DNAAF9: variants seen among roughly 807,000 people sequenced by gnomAD.
The protein encoded by DNAAF9 is dynein axonemal assembly factor 9.
A neutral mutation model predicts 167.0 loss-of-function variants in DNAAF9; 90 were observed. That is an observed-to-expected ratio of 0.54 (90% confidence interval 0.45 to 0.64). DNAAF9 has a LOEUF of 0.64. DNAAF9 is among the 30% of genes least tolerant of loss of function. DNAAF9 has a pLI of 0.00. For synonymous variants in DNAAF9, 491 were observed against 508.8 expected (o/e 0.96, Z 0.47); for missense variants, 1,315 against 1,442.2 (o/e 0.91, Z 1.43).
chr20:3,269,332 C>T (rs1315692946), intron 30 of DNAAF9, among the ~76,000 whole-genome samples: 1 of 151,938 alleles, frequency 6.6e-6, no homozygotes, highest in East Asian at 1.9e-4. Flanking sequence ...GCCCAGCCTC[C>T]TGAGTAGCTG....
intron 6 of DNAAF9, chr20:3,361,797 T>C (rs1049302394): frequency 1.6e-6 from 2 of 1,268,326 alleles, no homozygotes; most frequent in Non-Finnish European, 2.2e-6. Context: ...AAGACATATC[T>C]AGAAAATTTA....
chr20:3,359,406 G>T (rs1398569446), intron 7 of DNAAF9, 110 bp downstream of exon 7: 2 of 758,226 alleles, frequency 2.6e-6, no homozygotes, highest in South Asian at 3.4e-5. Context: ...TCTATTTTTT[G>T]ACCGAAGCAA....
intron 22 of DNAAF9, 29 bp downstream of exon 22, chr20:3,298,000 T>C (rs781522425): frequency 8.2e-6 from 13 of 1,578,642 alleles, no homozygotes; most frequent in Non-Finnish European, 1.1e-5. Flanking sequence ...AAAGTAGTAG[T>C]AGTTTTGCTG....
At chr20:3,260,628 A>G (rs1355275786) in intron 31 of DNAAF9, among the ~76,000 whole-genome samples, 1 of 151,130 alleles carries the variant, frequency 6.6e-6, no homozygotes, top group African/African-American at 2.4e-5. Context: ...ATGCCCTCCC[A>G]TTTCTCTCTC....
At chr20:3,252,764 G>A (rs2068215302) in intron 36 of DNAAF9, 80 bp from the exon 37 acceptor site, 3 of 827,948 alleles carry the variant, frequency 3.6e-6, no homozygotes, top group Admixed American at 1.8e-5. Flanking sequence ...CTGTAGGCAG[G>A]TGAGGGGGGT....
chr20:3,260,661 CCTCT>C (rs1284076779), intron 31 of DNAAF9, among the ~76,000 whole-genome samples: 1 of 152,020 alleles, frequency 6.6e-6, no homozygotes, highest in African/African-American at 2.4e-5. Context: ...ACAAGGTCTC[CCTCT>C]GTTTCCCAGG....
At chr20:3,402,215 T>C (rs763087145) in intron 1 of DNAAF9, among the ~76,000 whole-genome samples, 11 of 152,196 alleles carry the variant, frequency 7.2e-5, no homozygotes, top group Non-Finnish European at 1.2e-4. Flanking sequence ...ATTGTCTTCA[T>C]GGTGCTAGAA....
intron 31 of DNAAF9, among the ~76,000 whole-genome samples, chr20:3,261,540 G>T (rs1281761080): frequency 1.3e-5 from 2 of 150,904 alleles, no homozygotes; most frequent in East Asian, 3.9e-4. Context: ...GCTAATTTTT[G>T]TATTTTTAAT....
intron 25 of DNAAF9, among the ~76,000 whole-genome samples, chr20:3,290,556 C>T (rs76259596): frequency 0.041 from 6,297 of 152,272 alleles, 192 homozygotes; most frequent in African/African-American, 0.084. Flanking sequence ...AAAGGACCTA[C>T]CTGCTTGAGA....
At chr20:3,275,538 A>T (rs1470211674) in intron 29 of DNAAF9, among the ~76,000 whole-genome samples, 3 of 152,328 alleles carry the variant, frequency 2.0e-5, no homozygotes, top group East Asian at 1.9e-4. Flanking sequence ...TAGGTCAGGA[A>T]CTGGGCACAG....
chr20:3,387,475 T>C (rs1423796890), intron 1 of DNAAF9, among the ~76,000 whole-genome samples: 2 of 152,084 alleles, frequency 1.3e-5, no homozygotes, highest in Non-Finnish European at 1.5e-5. Context: ...CCGTACACCA[T>C]ATAAAGAAAT....
chr20:3,332,848 G>T (rs2069856563), intron 10 of DNAAF9, among the ~76,000 whole-genome samples: 2 of 151,678 alleles, frequency 1.3e-5, no homozygotes, highest in East Asian at 1.9e-4. Context: ...TTTTCCAAAG[G>T]TATCTTTTGG....
intron 30 of DNAAF9, among the ~76,000 whole-genome samples, chr20:3,268,944 G>A (rs898944912): frequency 8.0e-6 from 1 of 125,344 alleles, no homozygotes; most frequent in African/African-American, 3.0e-5. Context: ...CTGTTGCCCA[G>A]GCTGGCTGGA....
Position 3,368,747 on chromosome 20 carries a change from T to C in DNAAF9, c.612+5301A>G, listed in dbSNP as rs193100783. 5.4e-3 allele frequency among the ~76,000 whole-genome samples: 828 copies of C among 152,204 alleles called. 2 individuals carry two copies. The highest frequency in any genetic ancestry group is 6.8e-3 in the Middle Eastern group (2 of 294). The stretch of plus-strand genomic sequence containing the variant: ...GTTAGCCAGGATGGTCTCGATCTCC[T>C]GACCTCGTGATCCCTCCGCCTCGGC... On this transcript the variant is annotated intron_variant, in intron 6 of 36. Coordinates refer to ENST00000252032, the MANE Select transcript of DNAAF9 (RefSeq NM_001009984.3).
intron 7 of DNAAF9, among the ~76,000 whole-genome samples, chr20:3,349,679 A>G (rs2070276232): frequency 6.6e-6 from 1 of 152,100 alleles, no homozygotes; most frequent in Admixed American, 6.6e-5. Flanking sequence ...GCTTTTTAGC[A>G]TCCTTTCTGA....
chr20:3,399,950 A>G (rs74686115), intron 1 of DNAAF9, among the ~76,000 whole-genome samples: 5,826 of 151,756 alleles, frequency 0.038, 169 homozygotes, highest in Non-Finnish European at 0.061. Context: ...GTCCGATGGC[A>G]ATTCATGTCT....
At chr20:3,340,456 C>CCCCCCCCA in intron 10 of DNAAF9, 48 bp downstream of exon 10, 11 of 1,152,350 alleles carry the variant, frequency 9.5e-6, no homozygotes, top group South Asian at 2.0e-5. Flanking sequence ...CCCACCCCCA[C>CCCCCCCCA]AACTTGATAA....
chr20:3,335,818 C>T (rs993575142), intron 10 of DNAAF9, among the ~76,000 whole-genome samples: 12 of 148,368 alleles, frequency 8.1e-5, no homozygotes, highest in African/African-American at 2.5e-4. Context: ...TTCTTTCTGG[C>T]TGTTTTCAAG....
chr20:3,372,839 A>G (rs1311448023), intron 6 of DNAAF9, among the ~76,000 whole-genome samples: 1 of 152,222 alleles, frequency 6.6e-6, no homozygotes. Flanking sequence ...CAGTCAATTC[A>G]CATAAAGTGC....
Sources: allele counts gnomAD v4.1 joint callset (sites outside exome capture counted in the v4.1 genomes callset), GRCh38; gene constraint gnomAD v4.1.1; transcripts MANE v1.5; gene names NCBI Gene and HGNC (gene_info 2026-07-23, HGNC 2026-07-21).